The following SEC14L5 variants were observed in gnomAD, a reference collection of about 807,000 sequenced individuals.
SEC14L5 encodes the protein SEC14-like protein 5.
SEC14L5 carries 96 observed loss-of-function variants against 84.6 expected under a neutral mutation model. That is an observed-to-expected ratio of 1.13 (90% confidence interval 0.96 to 1.34). The LOEUF (loss-of-function observed/expected upper bound fraction) is 1.34, where lower values mean the gene tolerates loss of function less well. Ranked by LOEUF, SEC14L5 falls within the 40% of genes most tolerant of loss-of-function variation. The pLI is 0.00. For synonymous variants in SEC14L5, 546 were observed against 383.4 expected (o/e 1.42, Z -4.95); for missense variants, 1,224 against 942.5 (o/e 1.30, Z -3.91).
At chr16:5,005,772 G>A (rs1464902312) in intron 11 of SEC14L5, 142 bp from the exon 12 acceptor site, 2 of 753,978 alleles carry the variant, frequency 2.7e-6, no homozygotes, top group East Asian at 6.1e-5. Flanking sequence ...GCTGAGGCAG[G>A]AGGATGGCGT....
intron 2 of SEC14L5, among the ~76,000 whole-genome samples, chr16:4,970,747 C>T (rs534698401): frequency 6.6e-6 from 1 of 152,278 alleles, no homozygotes; most frequent in African/African-American, 2.4e-5. Flanking sequence ...GAGGGTGAGT[C>T]CTCATGTGGA....
At chr16:4,992,664 C>T (rs1014778237) in intron 6 of SEC14L5, among the ~76,000 whole-genome samples, 4 of 152,298 alleles carry the variant, frequency 2.6e-5, no homozygotes, top group South Asian at 2.1e-4. Context: ...CTAATTATTA[C>T]GATTGCTATT....
chr16:4,996,723 C>T lies in SEC14L5; in HGVS notation c.781-132C>T, dbSNP rs922505233. 31 of 719,430 alleles carry T rather than the reference C, an allele frequency of 4.3e-5. No homozygotes were observed. In the Admixed American group the frequency reaches 6.9e-4, roughly 16 times the overall value. The allele number at this position is 719,430 out of a possible 1,614,324, so 44.6% of individuals were successfully genotyped here. A position where few individuals can be genotyped will look rare whatever the true frequency, so the allele number is the denominator to read the frequency against. On this transcript the variant is annotated intron_variant, in intron 7 of 15. Coordinates refer to ENST00000251170, the MANE Select transcript of SEC14L5 (RefSeq NM_014692.2). ...AGTAGCTGGGGTTACAGGCGCACAC[C>T]ACCACGCCTGGCTAATTTCTGTACT...
intron 10 of SEC14L5, 50 bp downstream of exon 10, chr16:5,000,975 G>A (rs1955670480): frequency 7.2e-7 from 1 of 1,382,190 alleles, no homozygotes; most frequent in Non-Finnish European, 1.0e-6. Context: ...AAAGACGGAG[G>A]GTGGAGAGGG....
At chr16:4,975,607 A>G (rs1408194707) in intron 2 of SEC14L5, among the ~76,000 whole-genome samples, 1 of 152,094 alleles carries the variant, frequency 6.6e-6, no homozygotes, top group East Asian at 1.9e-4. Context: ...TATTTTTGCA[A>G]TTGTGAATTG....
intron 15 of SEC14L5, among the ~76,000 whole-genome samples, chr16:5,014,250 C>T (rs775116428): frequency 3.9e-5 from 6 of 152,174 alleles, no homozygotes; most frequent in Admixed American, 2.6e-4. Flanking sequence ...GCACGTTCAT[C>T]GCAGGAAGTT....
At position 4,995,668 on chromosome 16, in the gene SEC14L5, C is replaced by T. The variant is rs1479591145; in HGVS notation, c.668-680C>T. ...TTAAGACGGAGTCTCACTCTGTTGC[C>T]CAGGCTGGAGTGCAGTGGTGCAATC... On this transcript the variant is annotated intron_variant, in intron 6 of 15. Coordinates refer to ENST00000251170, the MANE Select transcript of SEC14L5 (RefSeq NM_014692.2). Among the ~76,000 whole-genome samples, 4 of 149,762 alleles carry T rather than the reference C, an allele frequency of 2.7e-5. No individual in the cohort carries two copies. The South Asian group carries it at 8.5e-4, about 32-fold the overall frequency.
chr16:4,964,576 C>T (rs1955172883), intron 2 of SEC14L5, among the ~76,000 whole-genome samples: 2 of 151,748 alleles, frequency 1.3e-5, no homozygotes, highest in South Asian at 2.1e-4. Flanking sequence ...AGAGTGTGAC[C>T]CTATCTCAAA....
chr16:4,966,932 C>T (rs750732700), intron 2 of SEC14L5, among the ~76,000 whole-genome samples: 6 of 152,302 alleles, frequency 3.9e-5, no homozygotes, highest in South Asian at 4.1e-4. Flanking sequence ...CCTGGCACAC[C>T]GGCCAAGCCC....
At chr16:5,003,342 G>T in intron 10 of SEC14L5, 60 bp from the exon 11 acceptor site, 3 of 1,326,498 alleles carry the variant, frequency 2.3e-6, no homozygotes, top group Non-Finnish European at 1.1e-6. Context: ...CTGTGGGGAG[G>T]GTGTTGGTGG....
chr16:5,003,319 C>G, intron 10 of SEC14L5, 83 bp from the exon 11 acceptor site: 1 of 1,084,986 alleles, frequency 9.2e-7, no homozygotes, highest in Non-Finnish European at 1.4e-6. Flanking sequence ...CTCGGAGCCT[C>G]CCTGTTCATC....
chr16:5,005,746 C>T (rs1276540436), intron 11 of SEC14L5, among the ~76,000 whole-genome samples, 168 bp from the exon 12 acceptor site: 1 of 151,082 alleles, frequency 6.6e-6, no homozygotes, highest in Non-Finnish European at 1.5e-5. Context: ...TGCCTGTAGT[C>T]CCAGCTACTC....
At chr16:4,992,126 G>A (rs2142507953) in intron 6 of SEC14L5, 96 bp downstream of exon 6, 1 of 854,962 alleles carries the variant, frequency 1.2e-6, no homozygotes, top group Non-Finnish European at 1.7e-6. Context: ...AGAATTGCCT[G>A]CCGTCCCCCC....
intron 2 of SEC14L5, among the ~76,000 whole-genome samples, chr16:4,981,266 T>G (rs1042279122): frequency 1.8e-5 from 2 of 112,408 alleles, no homozygotes; most frequent in Non-Finnish European, 1.7e-5. Context: ...TTTTTTTTTT[T>G]TTTTTTTTTT....
At position 5,007,482 on chromosome 16, in the gene SEC14L5, A is replaced by C; in HGVS notation, c.1568A>C (p.His523Pro). 6.2e-7 allele frequency: 1 copy of C among 1,612,844 alleles called. No homozygotes were observed. The highest frequency in any genetic ancestry group is 8.5e-7 in the Non-Finnish European group (1 of 1,179,546). Reference protein sequence around the residue: ...HSASVLRGAPHEVAVEILEGE... With the variant: ...HSASVLRGAPPEVAVEILEGE... Reference sequence around the variant, plus strand: ...GCCAGCGTGCTCCGCGGAGCCCCCCACGAGGTGCCAGGGCCTGGCCGGGGA... The same window carrying C: ...GCCAGCGTGCTCCGCGGAGCCCCCCCCGAGGTGCCAGGGCCTGGCCGGGGA... The change falls in exon 13 of 16, where the codon CAC (histidine) becomes CCC (proline). Residue 523 changes from histidine to proline, a missense_variant. Physicochemically the swap from His to Pro is moderately conservative, Grantham distance 77. Transcript: ENST00000251170.
chr16:4,967,342 A>G (rs997578165), intron 2 of SEC14L5, among the ~76,000 whole-genome samples: 1 of 152,060 alleles, frequency 6.6e-6, no homozygotes, highest in Admixed American at 6.6e-5. Context: ...GTCATATTGG[A>G]TTTATAAGGA....
Position 5,017,666 on chromosome 16 carries a change from T to C in SEC14L5, c.*2696T>C, listed in dbSNP as rs984819256. ...ATTCCCTGCAGAAGCCGCAGCAGGA[T>C]TGGGGAGGGCCATTCCCCCAATGGA... is the stretch of plus-strand genomic sequence containing the variant. On this transcript the variant is annotated 3_prime_UTR_variant, in exon 16 of 16. Transcript: ENST00000251170. The C allele has an allele frequency of 1.6e-4, 24 of 152,234 alleles. No individual in the cohort carries two copies. The highest frequency in any genetic ancestry group is 7.2e-4 in the Admixed American group (11 of 15,292). The allele number at this position is 152,234 out of a possible 1,614,324, so 9.4% of individuals were successfully genotyped here.
At chr16:4,996,025 G>A (rs1448944352) in intron 6 of SEC14L5, among the ~76,000 whole-genome samples, 1 of 152,164 alleles carries the variant, frequency 6.6e-6, no homozygotes, top group African/African-American at 2.4e-5. Context: ...GGTAGTGAGT[G>A]TAAGCCCATA....
intron 8 of SEC14L5, 99 bp downstream of exon 8, chr16:4,997,143 G>T (rs1955621630): frequency 5.8e-6 from 5 of 867,156 alleles, no homozygotes; most frequent in Non-Finnish European, 8.4e-6. Context: ...CTGTCACCCA[G>T]GCTGGAGTGC....
Sources: gnomAD v4.1 joint callset for allele counts (sites outside exome capture counted in the v4.1 genomes callset) on GRCh38, gnomAD v4.1.1 for gene constraint, MANE v1.5 for transcripts, NCBI Gene and HGNC (gene_info 2026-07-23, HGNC 2026-07-21) for gene names.